IFI44L: variants seen among roughly 807,000 people sequenced by gnomAD.
The protein encoded by IFI44L is interferon induced protein 44 like.
In IFI44L, 40 loss-of-function variants were observed where a neutral mutation model predicts 39.3. The ratio of observed to expected loss-of-function variants is 1.02; its 90% CI spans 0.79 to 1.33. IFI44L has a LOEUF of 1.33. Among genes scored for constraint, IFI44L ranks in the 40% most tolerant of loss-of-function variants. IFI44L has a pLI of 0.00. For missense variants in IFI44L, 623 were observed against 549.0 expected, an observed-to-expected ratio of 1.13 and a Z score of -1.35; for synonymous variants, 198 against 182.3, an observed-to-expected ratio of 1.09 and a Z score of -0.69.
At chr1:78,626,845 C>T (rs74670441) in intron 1 of IFI44L, 3,656 of 151,862 alleles carry the variant, frequency 0.024, 71 homozygotes, top group East Asian at 0.093. Flanking sequence ...CTCTTCCATC[C>T]TCTCCTTTCT....
Position 78,641,415 on chromosome 1 carries a change from T to C in IFI44L, c.1150-20T>C. ...AATATTAAATACAGGACTTACACTT[T>C]TTAAATATACTTTCCACAGGTCATG... On this transcript the variant is annotated intron_variant, in intron 7 of 8. Coordinates refer to ENST00000370751, the MANE Select transcript of IFI44L (RefSeq NM_006820.4). 2 of 1,604,672 alleles carry C rather than the reference T, an allele frequency of 1.2e-6. No individual in the cohort carries two copies. Among genetic ancestry groups the C allele is most frequent in the South Asian group, 1.1e-5 (1 of 90,558 alleles).
chr1:78,628,846 C>A, intron 2 of IFI44L, 105 bp from the exon 3 acceptor site: 2 of 757,966 alleles, frequency 2.6e-6, no homozygotes, highest in Non-Finnish European at 4.6e-6. Context: ...GCAGCTCAGC[C>A]CTGGGTTATG....
chr1:78,626,365 G>A (rs997450414), intron 1 of IFI44L: 4 of 151,984 alleles, frequency 2.6e-5, no homozygotes, highest in African/African-American at 9.7e-5. Context: ...GGTAACTCCA[G>A]TATAAGTATG....
rs1348270796 is a variant in IFI44L, at chr1:78,629,915, G to A, written c.723G>A (p.Arg241=). 2.5e-6 allele frequency: 4 copies of A among 1,610,462 alleles called. No individual in the cohort carries two copies. The highest frequency in any genetic ancestry group is 1.3e-5 in the African/African-American group (1 of 74,644). Reference sequence around the variant, plus strand: ...CTGATATCACCAGCATAACCGAGCGGGTAAGTTATTTCCCTGAGGATTTTA... The same window carrying A: ...CTGATATCACCAGCATAACCGAGCGAGTAAGTTATTTCCCTGAGGATTTTA... ...VGSDITSITE[R]YRIYSVKDGK... is the part of the protein sequence containing the mutation. The change falls in exon 4 of 9, where the codon CGG becomes CGA. Residue 241 remains arginine (R), a splice_region_variant and synonymous_variant. Coordinates refer to ENST00000370751, the MANE Select transcript of IFI44L (RefSeq NM_006820.4).
chr1:78,634,986 TTA>T (rs542117055), intron 4 of IFI44L, among the ~76,000 whole-genome samples: 8,177 of 137,474 alleles, frequency 0.059, 307 homozygotes, highest in African/African-American at 0.12. Context: ...AAACATACCA[TTA>T]TATATATATA....
At chr1:78,638,491 T>C (rs938634789) in intron 6 of IFI44L, among the ~76,000 whole-genome samples, 1 of 152,120 alleles carries the variant, frequency 6.6e-6, no homozygotes, top group Non-Finnish European at 1.5e-5. Context: ...ACAATTTATT[T>C]ATTTATTTTT....
intron 1 of IFI44L, among the ~76,000 whole-genome samples, chr1:78,623,389 G>GTTTTTTTTT (rs1222507453): frequency 7.5e-4 from 15 of 19,944 alleles, no homozygotes; most frequent in African/African-American, 1.5e-3. Flanking sequence ...TGGTTTAAGT[G>GTTTTTTTTT]TTTTTTGTTT....
chr1:78,641,313 T>G, intron 7 of IFI44L, 122 bp from the exon 8 acceptor site: 1 of 943,178 alleles, frequency 1.1e-6, no homozygotes, highest in Non-Finnish European at 1.6e-6. Context: ...AATTATTGTA[T>G]GTTCCGAAGA....
At chr1:78,625,449 T>C (rs1189090445) in intron 1 of IFI44L, among the ~76,000 whole-genome samples, 2 of 152,132 alleles carry the variant, frequency 1.3e-5, no homozygotes, top group African/African-American at 4.8e-5. Flanking sequence ...CAGACCATTT[T>C]ATCGTTTATC....
chr1:78,635,589 G>C (rs1363228181), intron 5 of IFI44L, 100 bp downstream of exon 5: 31 of 1,014,682 alleles, frequency 3.1e-5, no homozygotes, highest in Non-Finnish European at 4.5e-5. Context: ...CCATAATGTG[G>C]TTTCAACATC....
intron 6 of IFI44L, among the ~76,000 whole-genome samples, chr1:78,637,800 T>C (rs1481268059): frequency 1.3e-5 from 2 of 152,150 alleles, no homozygotes; most frequent in Non-Finnish European, 2.9e-5. Context: ...TATTTATTGT[T>C]CATTTAAAAA....
In IFI44L at chr1:78,642,301, C is replaced by G. The variant is rs1646996013; in HGVS notation, c.*492C>G. On this transcript the variant is annotated 3_prime_UTR_variant, in exon 9 of 9. Coordinates refer to ENST00000370751, the MANE Select transcript of IFI44L (RefSeq NM_006820.4). ...CCATTACTTTTCCTTCCCACTCTCT[C>G]CAACATCACATTCACTTTAAATTTT... The G allele has an allele frequency of 6.6e-6, 1 of 151,540 alleles. No homozygotes were observed. Among genetic ancestry groups the G allele is most frequent in the South Asian group, 2.1e-4 (1 of 4,818 alleles). The allele number at this position is 151,540 out of a possible 1,614,324, so 9.4% of individuals were successfully genotyped here.
chr1:78,641,057 A>G lies in IFI44L; in HGVS notation c.1085A>G (p.Asp362Gly), dbSNP rs747159067. The change falls in exon 7 of 9, where the codon GAT (aspartate) becomes GGT (glycine). Residue 362 changes from aspartate to glycine, a missense_variant. Coordinates refer to ENST00000370751, the MANE Select transcript of IFI44L (RefSeq NM_006820.4). The part of the protein sequence containing the change: ...AYVALLTKVD[D>G]CSEVLQDNFL... Reference sequence around the variant, plus strand: ...GTGGCCTTGCTTACTAAAGTGGATGATTGCAGTGAGGTTCTTCAAGACAAC... The same window carrying G: ...GTGGCCTTGCTTACTAAAGTGGATGGTTGCAGTGAGGTTCTTCAAGACAAC... 9.9e-6 allele frequency: 16 copies of G among 1,612,748 alleles called. No homozygotes were observed. The highest frequency in any genetic ancestry group is 1.4e-5 in the Non-Finnish European group (16 of 1,179,102).
At chr1:78,639,826 A>G (rs748396107) in intron 6 of IFI44L, among the ~76,000 whole-genome samples, 4 of 152,136 alleles carry the variant, frequency 2.6e-5, no homozygotes, top group Non-Finnish European at 5.9e-5. Flanking sequence ...ATCAGTAGAA[A>G]GATCACATAT....
chr1:78,631,240 G>T (rs1370165556), intron 4 of IFI44L, among the ~76,000 whole-genome samples: 1 of 152,104 alleles, frequency 6.6e-6, no homozygotes, highest in Admixed American at 6.5e-5. Context: ...AAGTTGTAAA[G>T]AAAGCAAATT....
Position 78,624,501 on chromosome 1 carries a change from C to A in IFI44L, c.-10-3405C>A, listed in dbSNP as rs116033744. On this transcript the variant is annotated intron_variant, in intron 1 of 8. Coordinates refer to ENST00000370751, the MANE Select transcript of IFI44L (RefSeq NM_006820.4). Reference sequence around the variant, plus strand: ...CTTGTTTTTTGACCTAACATGTAATCTATCCTGGAGAACGCTCCTATAATA... The same window carrying A: ...CTTGTTTTTTGACCTAACATGTAATATATCCTGGAGAACGCTCCTATAATA... Among the ~76,000 whole-genome samples, 271 of 152,274 alleles carry A rather than the reference C, an allele frequency of 1.8e-3. 2 individuals carry two copies. Among genetic ancestry groups the A allele is most frequent in the African/African-American group, 6.2e-3 (258 of 41,570 alleles).
chr1:78,625,452 C>T lies in IFI44L; in HGVS notation c.-10-2454C>T, dbSNP rs1002896013. ...GTTGTTTATCTTCAGACCATTTTAT[C>T]GTTTATCATTTATTGCATCTGGACT... On this transcript the variant is annotated intron_variant, in intron 1 of 8. Coordinates refer to ENST00000370751, the MANE Select transcript of IFI44L (RefSeq NM_006820.4). 5.9e-5 allele frequency among the ~76,000 whole-genome samples: 9 copies of T among 152,062 alleles called. No homozygotes were observed. In the East Asian group the frequency reaches 9.7e-4, roughly 16 times the overall value.
At chr1:78,628,561 G>A (rs1226893198) in intron 2 of IFI44L, 168 bp downstream of exon 2, 2 of 588,568 alleles carry the variant, frequency 3.4e-6, no homozygotes, top group South Asian at 2.3e-5. Flanking sequence ...GGATTATGAG[G>A]TTTTTATCCA....
At chr1:78,627,827 C>T (rs1652547964) in intron 1 of IFI44L, 79 bp from the exon 2 acceptor site, 3 of 768,232 alleles carry the variant, frequency 3.9e-6, no homozygotes, top group African/African-American at 1.8e-5. Context: ...AAAGAACTCA[C>T]TGAAAGTAGA....
Sources: gnomAD v4.1 joint callset for allele counts (sites outside exome capture counted in the v4.1 genomes callset) on GRCh38, gnomAD v4.1.1 for gene constraint, MANE v1.5 for transcripts, NCBI Gene and HGNC (gene_info 2026-07-23, HGNC 2026-07-21) for gene names.